TRAPPC9: variants seen among roughly 807,000 people sequenced by gnomAD.
TRAPPC9 encodes the protein trafficking protein particle complex subunit 9.
A neutral mutation model predicts 124.0 loss-of-function variants in TRAPPC9; 83 were observed. The ratio of observed to expected loss-of-function variants is 0.67; its 90% confidence interval spans 0.56 to 0.80. TRAPPC9 has a LOEUF of 0.80. TRAPPC9 is among the 30% of genes least tolerant of loss of function. The probability of loss-of-function intolerance (pLI) is 0.00; values close to 1 mark genes in which losing one functional copy is unlikely to be tolerated. For synonymous variants in TRAPPC9, 638 were observed against 617.5 expected, an observed-to-expected ratio of 1.03 and a Z score of -0.49; for missense variants, 1,302 against 1,508.3, an observed-to-expected ratio of 0.86 and a Z score of 2.27.
At chr8:139,874,784 A>G (rs1829212938) in intron 21 of TRAPPC9, among the ~76,000 whole-genome samples, 1 of 152,196 alleles carries the variant, frequency 6.6e-6, no homozygotes, top group African/African-American at 2.4e-5. Flanking sequence ...AGGGCTCTGT[A>G]GCCATGAGAA....
Position 140,435,216 on chromosome 8 carries a change from GCTGAACACA to G in TRAPPC9, c.746_754del (p.Leu249_Ala252delinsSer). 1 of 1,614,156 alleles carries G rather than the reference GCTGAACACA, an allele frequency of 6.2e-7. No individual in the cohort carries two copies. Among genetic ancestry groups the G allele is most frequent in the South Asian group, 1.1e-5 (1 of 91,074 alleles). On this transcript the variant is annotated inframe_deletion, in exon 4 of 23. Transcript: ENST00000438773. ...ACCAGGATAGTGATAGATGACAGAA[GCTGAACACA>G]ATCCTTCCAGGGCAGCTGGGCATTA...
intron 17 of TRAPPC9, among the ~76,000 whole-genome samples, chr8:140,111,672 T>A (rs1341307637): frequency 6.6e-6 from 1 of 152,210 alleles, no homozygotes; most frequent in East Asian, 1.9e-4. Context: ...TCCCAATGTG[T>A]GTATGAGGAC....
chr8:140,316,860 T>G (rs986170598), intron 9 of TRAPPC9, among the ~76,000 whole-genome samples: 4 of 152,230 alleles, frequency 2.6e-5, no homozygotes, highest in Admixed American at 2.6e-4. Context: ...CGGGCTTTTC[T>G]TTGATGGGAG....
In TRAPPC9 at chr8:140,397,485, G is replaced by A. The variant is rs1187776657; in HGVS notation, c.1134+135C>T. 16 of 999,168 alleles carry A rather than the reference G, an allele frequency of 1.6e-5. 1 individual carries two copies. In the Admixed American group the frequency reaches 1.7e-4, roughly 10 times the overall value. The allele number at this position is 999,168 out of a possible 1,614,324, so 61.9% of individuals were successfully genotyped here. On this transcript the variant is annotated intron_variant, in intron 7 of 22. Coordinates refer to ENST00000438773, the MANE Select transcript of TRAPPC9 (RefSeq NM_001160372.4). ...AATATACAAATAACCATGTTAATTA[G>A]AAATCAAGTTAAGATTCAACAGTTT...
At chr8:140,035,943 C>T (rs1235611768) in intron 17 of TRAPPC9, among the ~76,000 whole-genome samples, 2 of 152,244 alleles carry the variant, frequency 1.3e-5, no homozygotes, top group Non-Finnish European at 2.9e-5. Context: ...TTCTTGGCAT[C>T]AGCTTTCCCA....
chr8:139,843,480 T>C (rs1425864569), intron 21 of TRAPPC9, among the ~76,000 whole-genome samples: 2 of 152,142 alleles, frequency 1.3e-5, no homozygotes, highest in Non-Finnish European at 2.9e-5. Flanking sequence ...CTCCCAAAGA[T>C]CCTGACCCAC....
chr8:140,005,006 A>G (rs1356329852), intron 18 of TRAPPC9, among the ~76,000 whole-genome samples: 1 of 152,140 alleles, frequency 6.6e-6, no homozygotes, highest in Non-Finnish European at 1.5e-5. Flanking sequence ...GAGACTGGAG[A>G]GCTTTTTCAC....
intron 21 of TRAPPC9, among the ~76,000 whole-genome samples, chr8:139,787,380 G>T (rs904402318): frequency 6.6e-6 from 1 of 152,094 alleles, no homozygotes; most frequent in Non-Finnish European, 1.5e-5. Flanking sequence ...TTGGGAGCAG[G>T]GGTTGCTGTC....
Position 140,290,948 on chromosome 8 carries a change from G to C in TRAPPC9, c.1854+45C>G, listed in dbSNP as rs774269667. On this transcript the variant is annotated intron_variant, in intron 12 of 22. Coordinates refer to ENST00000438773, the MANE Select transcript of TRAPPC9 (RefSeq NM_001160372.4). ...TAAGTAAAACCTACTTTAATGAGAA[G>C]TTTGTATGTTAGCCCAAAAAGGTCA... is the stretch of plus-strand genomic sequence containing the variant. 40 of 1,492,742 alleles carry C rather than the reference G, an allele frequency of 2.7e-5. No individual in the cohort carries two copies. The African/African-American group carries it at 4.4e-4, about 16-fold the overall frequency. The allele number at this position is 1,492,742 out of a possible 1,614,324, so 92.5% of individuals were successfully genotyped here.
At chr8:140,005,908 TA>T (rs757182607) in intron 18 of TRAPPC9, among the ~76,000 whole-genome samples, 1,382 of 104,128 alleles carry the variant, frequency 0.013, 8 homozygotes, top group African/African-American at 0.014. Context: ...AGACCCTGTC[TA>T]AAAAAAAAAA....
intron 18 of TRAPPC9, among the ~76,000 whole-genome samples, chr8:140,018,324 ATTT>A (rs1554608008): frequency 3.3e-5 from 4 of 119,776 alleles, no homozygotes; most frequent in Non-Finnish European, 6.7e-5. Flanking sequence ...AACGTAAGTG[ATTT>A]TTTTTTTTTT....
intron 6 of TRAPPC9, among the ~76,000 whole-genome samples, chr8:140,399,144 T>C (rs754969433): frequency 2.6e-5 from 4 of 152,242 alleles, no homozygotes; most frequent in Non-Finnish European, 1.5e-5. Context: ...TTTCAGGAGA[T>C]GTATGGAAAC....
chr8:139,960,536 C>T lies in TRAPPC9; in HGVS notation c.2810+28190G>A, dbSNP rs914953329. On this transcript the variant is annotated intron_variant, in intron 19 of 22. Transcript: ENST00000438773. ...ACCCTTTGTCAGGCCAGCTCCACTA[C>T]TACCCGTATCTGTGCCTTCCACAGG... is the stretch of plus-strand genomic sequence containing the variant. Among the ~76,000 whole-genome samples, 6 of 152,240 alleles carry T rather than the reference C, an allele frequency of 3.9e-5. 1 individual carries two copies. The highest frequency in any genetic ancestry group is 6.5e-5 in the Admixed American group (1 of 15,294).
At chr8:140,042,205 ATGTGTGTGTGTGTG>A (rs57584807) in intron 17 of TRAPPC9, among the ~76,000 whole-genome samples, 149 of 149,612 alleles carry the variant, frequency 1.0e-3, no homozygotes, top group Middle Eastern at 3.4e-3. Context: ...AAAAAAGTGT[ATGTGTGTGTGTGTG>A]TGTGTGTGTG....
At chr8:140,423,681 T>TATACACATATACACAC (rs1264423185) in intron 5 of TRAPPC9, among the ~76,000 whole-genome samples, 4 of 53,910 alleles carry the variant, frequency 7.4e-5, no homozygotes, top group African/African-American at 1.5e-4. Context: ...CATATACACA[T>TATACACATATACACAC]ATATACACAT....
At chr8:140,064,534 G>A (rs1842805836) in intron 17 of TRAPPC9, among the ~76,000 whole-genome samples, 1 of 152,162 alleles carries the variant, frequency 6.6e-6, no homozygotes, top group Non-Finnish European at 1.5e-5. Context: ...TATTATACTT[G>A]TGAATTTCCC....
intron 7 of TRAPPC9, among the ~76,000 whole-genome samples, chr8:140,390,761 C>T (rs1406724132): frequency 6.6e-6 from 1 of 152,216 alleles, no homozygotes; most frequent in Admixed American, 6.5e-5. Flanking sequence ...CTTGTTCATG[C>T]AGAAATGTCT....
rs376617920 is a variant in TRAPPC9 at position 139,732,122 on chromosome 8, G to C, written c.3136C>G (p.Arg1046Gly). ...CTGCGCGGGCTCCGGTTGGTCAGCCGCACCTCCAGGCGCACGGGGTCGCCC... is the reference window on the plus strand; with the variant it reads ...CTGCGCGGGCTCCGGTTGGTCAGCCCCACCTCCAGGCGCACGGGGTCGCCC... The part of the protein sequence containing the change: ...QVGDPVRLEV[R>G]LTNRSPRSVG... The change falls in exon 22 of 23, where the codon CGG (arginine) becomes GGG (glycine). Residue 1046 changes from arginine to glycine, a missense_variant. By Grantham distance (125) the Arg-to-Gly change is moderately radical. Around this residue, in one of 3 missense-constraint regions of TRAPPC9, gnomAD observed 640 missense variants for 679.3 expected, o/e 0.94. Transcript: ENST00000438773. 1 of 1,605,888 alleles carries C rather than the reference G, an allele frequency of 6.2e-7. No individual in the cohort carries two copies. The highest frequency in any genetic ancestry group is 8.5e-7 in the Non-Finnish European group (1 of 1,176,932).
At chr8:140,071,252 G>T (rs1843144183) in intron 17 of TRAPPC9, among the ~76,000 whole-genome samples, 1 of 152,212 alleles carries the variant, frequency 6.6e-6, no homozygotes, top group South Asian at 2.1e-4. Context: ...GGACTGAGCT[G>T]CAAGAAGGGA....
Sources: allele counts gnomAD v4.1 joint callset (sites outside exome capture counted in the v4.1 genomes callset), GRCh38; gene constraint gnomAD v4.1.1; regional missense constraint gnomAD v4.1.1; transcripts MANE v1.5; gene names NCBI Gene and HGNC (gene_info 2026-07-23, HGNC 2026-07-21).